CFAP61: variants seen among roughly 807,000 people sequenced by gnomAD.
The protein encoded by CFAP61 is cilia and flagella associated protein 61.
CFAP61 carries 107 observed loss-of-function variants against 135.6 expected under a neutral mutation model. The observed-to-expected ratio is 0.79, with a 90% CI of 0.67 to 0.93. The LOEUF (loss-of-function observed/expected upper bound fraction) is 0.93. CFAP61 is among the 40% of genes least tolerant of loss of function. CFAP61 has a pLI of 0.00. For missense variants in CFAP61, 1,507 were observed against 1,556.2 expected (o/e 0.97, Z 0.53); for synonymous variants, 575 against 578.5 (o/e 0.99, Z 0.09).
At chr20:20,284,279 ATTTTATTTTATTTTATTTTATTTTG>A (rs140493713) in intron 22 of CFAP61, among the ~76,000 whole-genome samples, 51,280 of 129,202 alleles carry the variant, frequency 0.4, 9,080 homozygotes, top group Admixed American at 0.46. Flanking sequence ...ATTTTATTTT[ATTTTATTTTATTTTATTTTATTTTG>A]AGATGGAGTC....
chr20:20,127,744 A>G (rs2050176658), intron 8 of CFAP61, among the ~76,000 whole-genome samples: 1 of 151,610 alleles, frequency 6.6e-6, no homozygotes, highest in African/African-American at 2.4e-5. Flanking sequence ...ATGGGGCCCT[A>G]GAACTCCCCA....
chr20:20,230,034 T>G (rs532994185), intron 18 of CFAP61, among the ~76,000 whole-genome samples: 7 of 152,146 alleles, frequency 4.6e-5, no homozygotes, highest in Non-Finnish European at 1.0e-4. Context: ...GTTAAGAAGT[T>G]ATAAACAGGT....
chr20:20,188,716 C>T (rs1420238005), intron 14 of CFAP61, among the ~76,000 whole-genome samples: 2 of 152,076 alleles, frequency 1.3e-5, no homozygotes, highest in African/African-American at 4.8e-5. Flanking sequence ...TGCATAGTCA[C>T]TTTTTTGATA....
At chr20:20,081,491 A>C (rs1377553933) in intron 6 of CFAP61, among the ~76,000 whole-genome samples, 2 of 152,158 alleles carry the variant, frequency 1.3e-5, no homozygotes, top group Non-Finnish European at 2.9e-5. Context: ...CTTTTTAGTA[A>C]GGTATTGTCT....
At chr20:20,104,445 G>A (rs942179844) in intron 8 of CFAP61, among the ~76,000 whole-genome samples, 1 of 152,130 alleles carries the variant, frequency 6.6e-6, no homozygotes, top group African/African-American at 2.4e-5. Flanking sequence ...TATTGATTGT[G>A]TATTAAATCA....
intron 22 of CFAP61, among the ~76,000 whole-genome samples, chr20:20,284,447 G>A (rs1413975777): frequency 2.0e-5 from 3 of 151,784 alleles, no homozygotes; most frequent in Non-Finnish European, 4.4e-5. Context: ...CACCACACCC[G>A]GCTATTTTTT....
intron 21 of CFAP61, among the ~76,000 whole-genome samples, chr20:20,272,140 T>G (rs2053405759): frequency 6.6e-6 from 1 of 152,248 alleles, no homozygotes; most frequent in African/African-American, 2.4e-5. Flanking sequence ...GTTTTCCGGC[T>G]TATTAAAAGC....
At chr20:20,078,433 A>T (rs1192259754) in intron 6 of CFAP61, among the ~76,000 whole-genome samples, 3 of 152,190 alleles carry the variant, frequency 2.0e-5, no homozygotes, top group Non-Finnish European at 4.4e-5. Flanking sequence ...TGAGGAGTTT[A>T]TGGTAATTCA....
chr20:20,057,540 C>T lies in CFAP61; in HGVS notation c.143+744C>T, dbSNP rs2044461094. 2.0e-5 allele frequency among the ~76,000 whole-genome samples: 3 copies of T among 152,280 alleles called. No individual in the cohort carries two copies. In the South Asian group the frequency reaches 6.2e-4, roughly 32 times the overall value. ...AATGGGAGGCTGGCGCAGGGTCAAA[C>T]AGTACGTTGGAAACCTGGATTTGTT... On this transcript the variant is annotated intron_variant, in intron 2 of 26. Transcript: ENST00000245957.
intron 15 of CFAP61, among the ~76,000 whole-genome samples, chr20:20,195,926 A>C (rs1472117001): frequency 6.6e-6 from 1 of 152,068 alleles, no homozygotes; most frequent in Non-Finnish European, 1.5e-5. Flanking sequence ...TAGAATTACA[A>C]AAAAATTAGC....
chr20:20,179,912 A>G (rs112872884), intron 13 of CFAP61, among the ~76,000 whole-genome samples: 389 of 152,332 alleles, frequency 2.6e-3, no homozygotes, highest in African/African-American at 8.6e-3. Context: ...ACACAAAACT[A>G]TAAAAACCCT....
In CFAP61 at chr20:20,277,122, G is replaced by T. The variant is rs1284980069; in HGVS notation, c.2504-44G>T. 5 of 1,451,744 alleles carry T rather than the reference G, an allele frequency of 3.4e-6. No homozygotes were observed. In the Admixed American group the frequency reaches 5.9e-5, roughly 17 times the overall value. 89.9% of individuals were successfully genotyped at this position (1,451,744 alleles called of 1,614,324 possible). On this transcript the variant is annotated intron_variant, in intron 21 of 26. Coordinates refer to ENST00000245957, the MANE Select transcript of CFAP61 (RefSeq NM_015585.4). ...TATTAGCATTTGACTAAGGTTTTTT[G>T]GTTTTCTGAACTGTATATCTTAGCG... is the stretch of plus-strand genomic sequence containing the variant.
chr20:20,324,430 A>C (rs941674064), intron 25 of CFAP61, among the ~76,000 whole-genome samples: 7 of 152,212 alleles, frequency 4.6e-5, no homozygotes, highest in African/African-American at 1.4e-4. Context: ...TTTCCATGTC[A>C]GTACACATAG....
chr20:20,108,351 C>T (rs1020624805), intron 8 of CFAP61, among the ~76,000 whole-genome samples: 1 of 152,018 alleles, frequency 6.6e-6, no homozygotes, highest in African/African-American at 2.4e-5. Flanking sequence ...TAAGCTTAAT[C>T]ATAATACTAA....
In CFAP61 at chr20:20,075,064, G is replaced by A. The variant is rs61449166; in HGVS notation, c.372-125G>A. ...CTGTTCTTGCCATTGCAGGTGGGGA[G>A]CAAAGGAGCCCATGTGGATTTAGGA... On this transcript the variant is annotated intron_variant, in intron 4 of 26. Coordinates refer to ENST00000245957, the MANE Select transcript of CFAP61 (RefSeq NM_015585.4). The A allele has an allele frequency of 1.1e-3, 944 of 844,940 alleles. 8 individuals are homozygous for A. In the African/African-American group the frequency reaches 0.014, roughly 12 times the overall value. The allele number at this position is 844,940 out of a possible 1,614,324, so 52.3% of individuals were successfully genotyped here.
intron 18 of CFAP61, among the ~76,000 whole-genome samples, chr20:20,239,844 G>A (rs1328353055): frequency 6.6e-6 from 1 of 152,158 alleles, no homozygotes; most frequent in African/African-American, 2.4e-5. Flanking sequence ...GTGGAAGATG[G>A]GCAGAAGAGA....
chr20:20,329,356 C>T (rs145051683), intron 25 of CFAP61, among the ~76,000 whole-genome samples: 6 of 152,296 alleles, frequency 3.9e-5, no homozygotes, highest in African/African-American at 1.4e-4. Context: ...TCCTTTGCCC[C>T]TGTTCACCTC....
intron 11 of CFAP61, among the ~76,000 whole-genome samples, chr20:20,166,196 C>A (rs1383646369): frequency 6.6e-6 from 1 of 152,200 alleles, no homozygotes; most frequent in African/African-American, 2.4e-5. Context: ...TGTGAAAGTG[C>A]CTTCAGTTCT....
In CFAP61 at chr20:20,071,049, AG is replaced by A. The variant is rs567126937; in HGVS notation, c.294+49del. 8.7e-4 allele frequency: 1,374 copies of A among 1,585,458 alleles called. 14 individuals carry two copies. The highest frequency in any genetic ancestry group is 3.8e-4 in the Non-Finnish European group (436 of 1,158,964). On this transcript the variant is annotated intron_variant, in intron 3 of 26. Transcript: ENST00000245957. ...GCTTGTTAGAACACCCTGAATCTTG[AG>A]GGGAAGTCCTGTGTTTGTGATTATG...
Sources: allele counts gnomAD v4.1 joint callset (sites outside exome capture counted in the v4.1 genomes callset), GRCh38; gene constraint gnomAD v4.1.1; transcripts MANE v1.5; gene names NCBI Gene and HGNC (gene_info 2026-07-23, HGNC 2026-07-21).